AFAP1L2: variants seen among roughly 807,000 people sequenced by gnomAD.
The protein encoded by AFAP1L2 is actin filament-associated protein 1-like 2.
In AFAP1L2, 46 loss-of-function variants were observed where a neutral mutation model predicts 99.3. That is an observed-to-expected ratio of 0.46 (90% confidence interval 0.37 to 0.59). The LOEUF (loss-of-function observed/expected upper bound fraction) is 0.59. Among genes scored for constraint, AFAP1L2 ranks in the 20% least tolerant of loss-of-function variants. The pLI is 0.00. For missense variants in AFAP1L2, 959 were observed against 1,034.9 expected (o/e 0.93, Z 1.01); for synonymous variants, 397 against 419.1 (o/e 0.95, Z 0.64).
At chr10:114,371,470 G>A (rs767128502) in intron 1 of AFAP1L2, among the ~76,000 whole-genome samples, 30 of 152,110 alleles carry the variant, frequency 2.0e-4, no homozygotes, top group Non-Finnish European at 3.2e-4. Context: ...AAAAAAAGAT[G>A]ATTTACCAAG....
intron 1 of AFAP1L2, among the ~76,000 whole-genome samples, chr10:114,385,031 A>T (rs1047260337): frequency 1.3e-5 from 2 of 152,220 alleles, no homozygotes; most frequent in Non-Finnish European, 2.9e-5. Flanking sequence ...ACTGAGCCCC[A>T]TATGAAGTAT....
chr10:114,289,498 G>C, the AFAP1L2 span: 3 of 1,613,804 alleles, frequency 1.9e-6, no homozygotes, highest in Non-Finnish European at 2.5e-6. Context: ...AGGTGAGTGG[G>C]GGAATCCACA....
chr10:114,319,712 C>T (rs937939846), intron 5 of AFAP1L2: 39 of 1,162,350 alleles, frequency 3.4e-5, no homozygotes, highest in South Asian at 1.9e-4. Context: ...AGGAGCACGC[C>T]CAAGTGCAGA....
intron 1 of AFAP1L2, among the ~76,000 whole-genome samples, chr10:114,353,234 A>G (rs1279250055): frequency 6.6e-6 from 1 of 152,192 alleles, no homozygotes; most frequent in African/African-American, 2.4e-5. Flanking sequence ...TTTTGTGGCC[A>G]TCTCCAGAAA....
At chr10:114,402,881 A>G (rs2058355163) in intron 1 of AFAP1L2, among the ~76,000 whole-genome samples, 1 of 152,106 alleles carries the variant, frequency 6.6e-6, no homozygotes, top group Admixed American at 6.5e-5. Flanking sequence ...TTTGCAAGTC[A>G]GGGAGCTGGA....
chr10:114,319,362 A>G (rs1378723973), intron 5 of AFAP1L2, among the ~76,000 whole-genome samples: 1 of 123,118 alleles, frequency 8.1e-6, no homozygotes, highest in Non-Finnish European at 1.6e-5. Flanking sequence ...ATGTGTTTTG[A>G]TACCACATGG....
chr10:114,321,695 C>G (rs1342706739), intron 5 of AFAP1L2, among the ~76,000 whole-genome samples: 2 of 152,212 alleles, frequency 1.3e-5, no homozygotes, highest in East Asian at 3.8e-4. Context: ...AGGGGAGGAC[C>G]ACAGTCCAGC....
the AFAP1L2 span, chr10:114,289,637 T>C: frequency 1.2e-6 from 1 of 844,788 alleles, no homozygotes; most frequent in Non-Finnish European, 1.9e-6. Flanking sequence ...AACCCCATGC[T>C]CACATAAAAT....
chr10:114,300,700 A>T lies in AFAP1L2; in HGVS notation c.1543-10T>A, dbSNP rs375936670. 7.0e-6 allele frequency: 11 copies of T among 1,577,216 alleles called. No homozygotes were observed. Among genetic ancestry groups the T allele is most frequent in the African/African-American group, 1.3e-5 (1 of 74,376 alleles). On this transcript the variant is annotated splice_polypyrimidine_tract_variant and intron_variant, in intron 13 of 18. Coordinates refer to ENST00000304129, the MANE Select transcript of AFAP1L2 (RefSeq NM_001001936.3). ...CCTCGGTAGGCTCCACCTGCAGGAGAGAGTGAGTCTGGGGCATTCAACATT... is the reference window on the plus strand; with the variant it reads ...CCTCGGTAGGCTCCACCTGCAGGAGTGAGTGAGTCTGGGGCATTCAACATT...
intron 1 of AFAP1L2, among the ~76,000 whole-genome samples, chr10:114,387,797 A>G (rs1028065758): frequency 6.6e-6 from 1 of 152,140 alleles, no homozygotes; most frequent in African/African-American, 2.4e-5. Flanking sequence ...ACAGTGGGGG[A>G]TGAAGCATTC....
At chr10:114,291,312 A>G (rs899417113), downstream of AFAP1L2, 9 of 1,473,730 alleles carry the variant, frequency 6.1e-6, no homozygotes, top group South Asian at 9.3e-5. Context: ...GGGCACTGAA[A>G]TGGTGCCTAC....
At chr10:114,315,513 C>CCA (rs2134754313) in intron 6 of AFAP1L2, 47 bp downstream of exon 6, 1 of 1,452,900 alleles carries the variant, frequency 6.9e-7, no homozygotes, top group Non-Finnish European at 9.1e-7. Flanking sequence ...CCTGCCCCTT[C>CCA]CCCAAGGAGA....
intron 1 of AFAP1L2, among the ~76,000 whole-genome samples, chr10:114,404,189 G>T (rs1421043575): frequency 6.6e-6 from 1 of 152,108 alleles, no homozygotes; most frequent in African/African-American, 2.4e-5. Flanking sequence ...GCCCCGCCAC[G>T]CCCCCCACTG....
chr10:114,319,408 G>C (rs2044720393), intron 5 of AFAP1L2, among the ~76,000 whole-genome samples: 1 of 152,096 alleles, frequency 6.6e-6, no homozygotes, highest in African/African-American at 2.4e-5. Context: ...CAAGTAGGTT[G>C]CTCCTCTGGA....
chr10:114,302,824 AAT>A lies in AFAP1L2; in HGVS notation c.1285-342_1285-341del, dbSNP rs531955592. On this transcript the variant is annotated intron_variant, in intron 11 of 18. Coordinates refer to ENST00000304129, the MANE Select transcript of AFAP1L2 (RefSeq NM_001001936.3). ...AACTGTTAGTGACCACCTGTTAATTAATAGTTTTTAAAATGATTAAAAAATTG... is the reference window on the plus strand; with the variant it reads ...AACTGTTAGTGACCACCTGTTAATTAAGTTTTTAAAATGATTAAAAAATTG... Among the ~76,000 whole-genome samples the A allele has an allele frequency of 3.3e-3, 509 of 152,264 alleles. 2 individuals carry two copies. The highest frequency in any genetic ancestry group is 0.012 in the African/African-American group (493 of 41,558).
intron 4 of AFAP1L2, among the ~76,000 whole-genome samples, chr10:114,324,450 T>A (rs2045930004): frequency 6.8e-6 from 1 of 148,012 alleles, no homozygotes; most frequent in African/African-American, 2.6e-5. Flanking sequence ...TGGGGTTTCA[T>A]CATGTTGGCC....
intron 1 of AFAP1L2, among the ~76,000 whole-genome samples, chr10:114,361,465 C>T (rs2136556637): frequency 6.6e-6 from 1 of 152,274 alleles, no homozygotes; most frequent in East Asian, 1.9e-4. Flanking sequence ...TGACTTTTAA[C>T]ACAGACTCAT....
At chr10:114,342,598 A>G (rs2048977281) in intron 1 of AFAP1L2, among the ~76,000 whole-genome samples, 1 of 152,188 alleles carries the variant, frequency 6.6e-6, no homozygotes. Context: ...GGTAAGAGTC[A>G]GGGAGATAAG....
intron 1 of AFAP1L2, among the ~76,000 whole-genome samples, chr10:114,354,416 C>G (rs1362519531): frequency 6.6e-6 from 1 of 152,136 alleles, no homozygotes; most frequent in Non-Finnish European, 1.5e-5. Flanking sequence ...CCTCTTAAGC[C>G]TTGAAGAAGT....
Sources: gnomAD v4.1 joint callset for allele counts (sites outside exome capture counted in the v4.1 genomes callset) on GRCh38, gnomAD v4.1.1 for gene constraint, MANE v1.5 for transcripts, NCBI Gene and HGNC (gene_info 2026-07-23, HGNC 2026-07-21) for gene names.